Variants in IREB2 observed in about 807,000 individuals in gnomAD.
IREB2 encodes the protein iron responsive element binding protein 2.
A neutral mutation model predicts 118.8 loss-of-function variants in IREB2; 39 were observed. The observed-to-expected ratio is 0.33, with a 90% CI of 0.25 to 0.43. The LOEUF (loss-of-function observed/expected upper bound fraction) is 0.43, where lower values mean the gene tolerates loss of function less well. IREB2 is among the 20% of genes least tolerant of loss of function. The pLI is 1.00. For missense variants in IREB2, 900 were observed against 1,147.3 expected, an observed-to-expected ratio of 0.78 and a Z score of 3.11; for synonymous variants, 372 against 392.2, an observed-to-expected ratio of 0.95 and a Z score of 0.61.
intron 8 of IREB2, chr15:78,474,157 T>C (rs2051426326): frequency 6.6e-6 from 1 of 152,236 alleles, no homozygotes; most frequent in Admixed American, 6.5e-5. Context: ...TGTCTGGCCT[T>C]TGCTAACTTT....
intron 2 of IREB2, among the ~76,000 whole-genome samples, chr15:78,444,882 TTC>T (rs1193936169): frequency 6.6e-6 from 1 of 152,210 alleles, no homozygotes; most frequent in Non-Finnish European, 1.5e-5. Flanking sequence ...ATACCTGTAC[TTC>T]TCTGTGGCTT....
chr15:78,443,661 T>C (rs536211118), intron 2 of IREB2, among the ~76,000 whole-genome samples: 2 of 152,208 alleles, frequency 1.3e-5, no homozygotes, highest in East Asian at 3.9e-4. Context: ...TGTTTTGTTT[T>C]TTTGAGACAG....
chr15:78,484,115 G>A (rs74970605), intron 11 of IREB2, among the ~76,000 whole-genome samples: 1,998 of 151,996 alleles, frequency 0.013, 66 homozygotes, highest in African/African-American at 0.045. Flanking sequence ...AAATGTGACC[G>A]AGTAGCAAGT....
chr15:78,462,874 T>C (rs2051219387), intron 2 of IREB2, 48 bp from the exon 3 acceptor site: 2 of 1,363,900 alleles, frequency 1.5e-6, no homozygotes, highest in South Asian at 1.5e-5. Flanking sequence ...AAAAATAATA[T>C]ATAGGTATGA....
chr15:78,485,094 T>C (rs2051637767), intron 12 of IREB2, among the ~76,000 whole-genome samples, 174 bp downstream of exon 12: 1 of 152,248 alleles, frequency 6.6e-6, no homozygotes, highest in African/African-American at 2.4e-5. Context: ...GTTGTTTTTA[T>C]TACACCGAAG....
intron 8 of IREB2, chr15:78,475,253 C>G (rs2051450168): frequency 2.0e-5 from 3 of 151,966 alleles, no homozygotes; most frequent in African/African-American, 7.3e-5. Flanking sequence ...TCTTCCTATA[C>G]CAATCTGAGA....
intron 13 of IREB2, 123 bp downstream of exon 13, chr15:78,485,963 C>T (rs2051653248): frequency 2.5e-6 from 2 of 797,890 alleles, no homozygotes; most frequent in East Asian, 2.6e-5. Flanking sequence ...TACTTGCTAC[C>T]TTGCCATTAC....
Position 78,471,748 on chromosome 15 carries a change from C to A in IREB2, c.707C>A (p.Ser236Ter). 1 of 1,593,996 alleles carries A rather than the reference C, an allele frequency of 6.3e-7. No individual in the cohort carries two copies. The highest frequency in any genetic ancestry group is 1.2e-5 in the South Asian group (1 of 86,936). The change falls in exon 7 of 22, where the codon TCA (serine) becomes TAA (stop). Residue 236 changes from serine (S) to a stop codon, truncating the protein, a stop_gained. Transcript: ENST00000258886. LOFTEE classifies it high-confidence loss of function. ...RERLQFFKWS[S>*]RVFKNVAVIP... ...AATTTAAACAAAATATAGTGGAGTT[C>A]AAGAGTTTTTAAGAATGTGGCAGTG...
At chr15:78,443,220 T>G (rs1377316498) in intron 2 of IREB2, among the ~76,000 whole-genome samples, 3 of 152,202 alleles carry the variant, frequency 2.0e-5, no homozygotes, top group Non-Finnish European at 2.9e-5. Context: ...GTAATAAAAG[T>G]TATGTGAATA....
intron 13 of IREB2, among the ~76,000 whole-genome samples, chr15:78,487,490 G>A (rs999521898): frequency 6.6e-6 from 1 of 152,206 alleles, no homozygotes; most frequent in African/African-American, 2.4e-5. Context: ...AGGAGGCCAA[G>A]GAGCAGGATT....
chr15:78,454,407 T>C (rs1396996614), intron 2 of IREB2, among the ~76,000 whole-genome samples: 4 of 152,112 alleles, frequency 2.6e-5, no homozygotes, highest in Admixed American at 2.6e-4. Flanking sequence ...GCAGGCTTAG[T>C]GAAAAAAATA....
intron 8 of IREB2, 93 bp downstream of exon 8, chr15:78,473,474 C>A: frequency 1.0e-6 from 1 of 978,792 alleles, no homozygotes; most frequent in South Asian, 1.6e-5. Context: ...GGGTTCATTA[C>A]TGCATCCTCA....
chr15:78,466,402 G>A lies in IREB2; in HGVS notation c.542G>A (p.Gly181Glu). ...QTTCRGSCDS[G>E]ELGRNSGTFS... ...ACCTGCCGAGGATCTTGTGATTCTGGAGAACTAGGCCGAAACTCAGGAACA... is the reference window on the plus strand; with the variant it reads ...ACCTGCCGAGGATCTTGTGATTCTGAAGAACTAGGCCGAAACTCAGGAACA... The change falls in exon 5 of 22, where the codon GGA (glycine) becomes GAA (glutamate). Residue 181 changes from glycine to glutamate, a missense_variant. Gly to Glu is a moderately conservative substitution (Grantham distance 98, BLOSUM62 -2). Transcript: ENST00000258886. The A allele has an allele frequency of 6.2e-7, 1 of 1,614,126 alleles. No individual in the cohort carries two copies. Among genetic ancestry groups the A allele is most frequent in the Non-Finnish European group, 8.5e-7 (1 of 1,180,004 alleles).
At chr15:78,488,912 G>T (rs2051705313) in intron 16 of IREB2, 141 bp downstream of exon 16, 3 of 541,944 alleles carry the variant, frequency 5.5e-6, no homozygotes, top group Non-Finnish European at 9.1e-6. Flanking sequence ...TTTGTATCTG[G>T]AATCTGTAGT....
chr15:78,490,666 A>C lies in IREB2; in HGVS notation c.2229A>C (p.Leu743Phe), dbSNP rs901273481. Residue 743 changes from leucine to phenylalanine, a missense_variant, in exon 18 of 22, where the codon TTA (leucine) becomes TTC (phenylalanine). Transcript: ENST00000258886. The stretch of plus-strand genomic sequence containing the variant: ...AGGCTATTGAAAATGCCCATGTCTT[A>C]TTATATTTGGGAGACTCTGTCACAA... The part of the protein sequence containing the change: ...ALQAIENAHV[L>F]LYLGDSVTTD... The C allele has an allele frequency of 3.1e-6, 5 of 1,613,996 alleles. No individual in the cohort carries two copies. Among genetic ancestry groups the C allele is most frequent in the Non-Finnish European group, 4.2e-6 (5 of 1,179,984 alleles).
chr15:78,458,815 G>A, intron 2 of IREB2, among the ~76,000 whole-genome samples: 1 of 152,122 alleles, frequency 6.6e-6, no homozygotes, highest in East Asian at 1.9e-4. Flanking sequence ...TATTCGTTTT[G>A]TTGTTGTTTT....
chr15:78,491,223 C>G (rs1206118483), intron 18 of IREB2, among the ~76,000 whole-genome samples: 10 of 152,042 alleles, frequency 6.6e-5, no homozygotes, highest in Non-Finnish European at 1.0e-4. Flanking sequence ...CAATGAATTT[C>G]TGCTTCATGA....
intron 5 of IREB2, among the ~76,000 whole-genome samples, chr15:78,467,527 A>C (rs1483486992): frequency 6.6e-6 from 1 of 152,112 alleles, no homozygotes; most frequent in East Asian, 1.9e-4. Context: ...CCCCATCTCT[A>C]CTAAAAATAC....
intron 16 of IREB2, 118 bp downstream of exon 16, chr15:78,488,889 G>T (rs1480058319): frequency 4.8e-6 from 3 of 624,296 alleles, no homozygotes; most frequent in Non-Finnish European, 7.7e-6. Flanking sequence ...AGTTTTTAAT[G>T]TGTAATAGTA....
Sources: gnomAD v4.1 joint callset for allele counts (sites outside exome capture counted in the v4.1 genomes callset) on GRCh38, gnomAD v4.1.1 for gene constraint, MANE v1.5 for transcripts, NCBI Gene and HGNC (gene_info 2026-07-23, HGNC 2026-07-21) for gene names.